Variants in B9D2 observed in about 807,000 individuals in gnomAD.
B9D2 encodes the protein B9 domain-containing protein 2.
A neutral mutation model predicts 19.2 loss-of-function variants in B9D2; 21 were observed. That is an observed-to-expected ratio of 1.09 (90% confidence interval 0.78 to 1.58). B9D2 has a LOEUF of 1.58. Among genes scored for constraint, B9D2 ranks in the 40% most tolerant of loss-of-function variants. The probability of loss-of-function intolerance (pLI) is 0.00; values close to 1 mark genes in which losing one functional copy is unlikely to be tolerated. For missense variants in B9D2, 221 were observed against 244.3 expected (o/e 0.90, Z 0.64); for synonymous variants, 91 against 100.6 (o/e 0.90, Z 0.57).
intron 3 of B9D2, among the ~76,000 whole-genome samples, chr19:41,355,612 C>T (rs2038301012): frequency 6.6e-6 from 1 of 152,226 alleles, no homozygotes; most frequent in Non-Finnish European, 1.5e-5. Context: ...CCAGCCCCAT[C>T]TCATCTCATG....
At chr19:41,363,582 C>A in intron 1 of B9D2, 59 bp from the exon 2 acceptor site, 1 of 1,499,686 alleles carries the variant, frequency 6.7e-7, no homozygotes, top group Non-Finnish European at 9.2e-7. Context: ...CTCCATTTGA[C>A]GGGGGGGAAA....
At chr19:41,360,408 C>T (rs2038385362) in intron 2 of B9D2, among the ~76,000 whole-genome samples, 1 of 152,194 alleles carries the variant, frequency 6.6e-6, no homozygotes, top group Non-Finnish European at 1.5e-5. Context: ...AACTCCTGGG[C>T]TCAAGTGATC....
In B9D2 at chr19:41,354,869, C is replaced by G. The variant is rs374581827; in HGVS notation, c.359G>C (p.Arg120Pro). Residue 120 changes from arginine (R) to proline (P), a missense_variant, in exon 4 of 4, where the codon CGA becomes CCA. Physicochemically the swap from Arg to Pro is moderately radical, Grantham distance 103 (BLOSUM62 -2). Transcript: ENST00000243578. ...CPTWRPLGSW[R>P]EQLARAFVGG... is the part of the protein sequence containing the mutation. ...CACGAAAGCCCGTGCCAACTGTTCT[C>G]GCCAACTGCCCAGGGGCCGCCACGT... 1 of 1,613,774 alleles carries G rather than the reference C, an allele frequency of 6.2e-7. No homozygotes were observed.
chr19:41,355,726 C>T (rs2038302607), intron 3 of B9D2, among the ~76,000 whole-genome samples: 2 of 152,150 alleles, frequency 1.3e-5, no homozygotes, highest in African/African-American at 2.4e-5. Flanking sequence ...AAGCTGATAT[C>T]CTAGACAACG....
intron 1 of B9D2, 131 bp downstream of exon 1, chr19:41,363,825 GCA>G (rs1337485472): frequency 1.9e-6 from 1 of 538,260 alleles, no homozygotes; most frequent in African/African-American, 1.9e-5. Flanking sequence ...GCCCACGAGC[GCA>G]AAAGACCCGC....
intron 2 of B9D2, 135 bp from the exon 3 acceptor site, chr19:41,358,157 G>A (rs1186063348): frequency 3.0e-6 from 4 of 1,350,552 alleles, no homozygotes; most frequent in South Asian, 2.7e-5. Flanking sequence ...CCAAGTATCT[G>A]GGTTCAAATC....
chr19:41,361,111 G>T (rs985520646), intron 2 of B9D2: 1 of 152,182 alleles, frequency 6.6e-6, no homozygotes, highest in African/African-American at 2.4e-5. Context: ...CCCATCATGG[G>T]ACTGGATTCA....
chr19:41,358,130 A>T, intron 2 of B9D2, 108 bp from the exon 3 acceptor site: 1 of 1,492,430 alleles, frequency 6.7e-7, no homozygotes, highest in Non-Finnish European at 9.2e-7. Flanking sequence ...AGGGGTTACG[A>T]AGCATGGACT....
At chr19:41,363,252 C>T (rs527935495) in intron 2 of B9D2, among the ~76,000 whole-genome samples, 180 bp downstream of exon 2, 1 of 152,166 alleles carries the variant, frequency 6.6e-6, no homozygotes, top group South Asian at 2.1e-4. Flanking sequence ...CTGTATCCCA[C>T]CCCTCACACA....
chr19:41,354,692 A>G lies in B9D2; in HGVS notation c.*8T>C, dbSNP rs971066438. The G allele has an allele frequency of 6.2e-7, 1 of 1,613,984 alleles. No individual in the cohort carries two copies. Among genetic ancestry groups the G allele is most frequent in the Admixed American group, 1.7e-5 (1 of 60,006 alleles). ...TGTGGATGGTGGTGACGTTGGAGGCAGAGTCCCTCAGCACTCCACGCCGTA... is the reference window on the plus strand; with the variant it reads ...TGTGGATGGTGGTGACGTTGGAGGCGGAGTCCCTCAGCACTCCACGCCGTA... On this transcript the variant is annotated 3_prime_UTR_variant, in exon 4 of 4. Transcript: ENST00000243578.
In B9D2 at chr19:41,354,815, TC is replaced by T; in HGVS notation, c.412del (p.Asp138ThrfsTer74). ...GCGGTCGGCCCCACTGTAGATGGTG[TC>T]CCCATGCAGCAGCTGCGGCCCACCA... is the stretch of plus-strand genomic sequence containing the variant. ...VGGGPQLLHG[D>X]TIYSGADRYR... On this transcript the variant is annotated frameshift_variant, in exon 4 of 4. Transcript: ENST00000243578. LOFTEE classifies it high-confidence loss of function. The T allele has an allele frequency of 6.2e-7, 1 of 1,614,006 alleles. No homozygotes were observed. The highest frequency in any genetic ancestry group is 8.5e-7 in the Non-Finnish European group (1 of 1,179,998).
In B9D2 at chr19:41,354,812, G is replaced by A; in HGVS notation, c.416C>T (p.Thr139Ile). ...GGGPQLLHGD[T>I]IYSGADRYRL... ...ATAGCGGTCGGCCCCACTGTAGATG[G>A]TGTCCCCATGCAGCAGCTGCGGCCC... The change falls in exon 4 of 4, where the codon ACC becomes ATC. Residue 139 changes from threonine (T) to isoleucine (I), a missense_variant. Transcript: ENST00000243578. 1 of 1,614,056 alleles carries A rather than the reference G, an allele frequency of 6.2e-7. No homozygotes were observed. Among genetic ancestry groups the A allele is most frequent in the Non-Finnish European group, 8.5e-7 (1 of 1,180,030 alleles).
chr19:41,354,805 G>GTA lies in B9D2; in HGVS notation c.421_422dup (p.Ser142ThrfsTer71), dbSNP rs773647799. 6.2e-7 allele frequency: 1 copy of GTA among 1,614,020 alleles called. No individual in the cohort carries two copies. The highest frequency in any genetic ancestry group is 1.7e-5 in the Admixed American group (1 of 60,030). ...GCAGGCGATAGCGGTCGGCCCCACTGTAGATGGTGTCCCCATGCAGCAGCT... is the reference window on the plus strand; with the variant it reads ...GCAGGCGATAGCGGTCGGCCCCACTGTATAGATGGTGTCCCCATGCAGCAGCT... On this transcript the variant is annotated frameshift_variant, in exon 4 of 4. Coordinates refer to ENST00000243578, the MANE Select transcript of B9D2 (RefSeq NM_030578.4). LOFTEE classifies it high-confidence loss of function.
intron 2 of B9D2, among the ~76,000 whole-genome samples, chr19:41,358,880 C>G (rs2038358150): frequency 6.6e-6 from 1 of 152,064 alleles, no homozygotes; most frequent in South Asian, 2.1e-4. Context: ...CAGTGGCTCA[C>G]ACCTCTAATC....
intron 2 of B9D2, among the ~76,000 whole-genome samples, chr19:41,360,707 C>G (rs1410552543): frequency 6.6e-6 from 1 of 152,022 alleles, no homozygotes; most frequent in Non-Finnish European, 1.5e-5. Flanking sequence ...TGGGGTTTTA[C>G]CATGTTAGCC....
At chr19:41,360,505 TTTTA>T (rs1168582600) in intron 2 of B9D2, among the ~76,000 whole-genome samples, 2 of 151,896 alleles carry the variant, frequency 1.3e-5, no homozygotes, top group East Asian at 1.9e-4. Flanking sequence ...ATTTATTTTA[TTTTA>T]TTTATTTTTT....
chr19:41,361,681 G>A (rs1181592941), intron 2 of B9D2, among the ~76,000 whole-genome samples: 3 of 102,330 alleles, frequency 2.9e-5, no homozygotes, highest in African/African-American at 3.9e-5. Flanking sequence ...CCAGCCACTC[G>A]GGAGGCTGAC....
intron 2 of B9D2, among the ~76,000 whole-genome samples, chr19:41,360,601 G>A (rs1198016852): frequency 1.3e-5 from 2 of 152,124 alleles, no homozygotes; most frequent in Non-Finnish European, 2.9e-5. Context: ...CGCCTCCTGG[G>A]TTCAAGCGAT....
In B9D2 at chr19:41,354,953, G is replaced by T. The variant is rs777610654; in HGVS notation, c.275C>A (p.Ala92Glu). The T allele has an allele frequency of 5.6e-6, 9 of 1,611,992 alleles. 1 individual carries two copies. In the South Asian group the frequency reaches 9.9e-5, roughly 18 times the overall value. ...SQDSFGRCQL[A>E]GYGFCHVPSS... ...GGGCACATGGCAAAATCCATAGCCT[G>T]CAAGCTGGCAGCGGCCAAAGCTGTC... is the stretch of plus-strand genomic sequence containing the variant. Residue 92 changes from alanine (A) to glutamate (E), a missense_variant, in exon 4 of 4, where the codon GCA becomes GAA. Physicochemically the swap from Ala to Glu is moderately radical, Grantham distance 107. Transcript: ENST00000243578.
Sources: gnomAD v4.1 joint callset for allele counts (sites outside exome capture counted in the v4.1 genomes callset) on GRCh38, gnomAD v4.1.1 for gene constraint, MANE v1.5 for transcripts, NCBI Gene and HGNC (gene_info 2026-07-23, HGNC 2026-07-21) for gene names.